Variants in SERPINB8 observed in about 807,000 individuals in gnomAD.
SERPINB8 encodes the protein serpin family B member 8.
In SERPINB8, 25 loss-of-function variants were observed where a neutral mutation model predicts 35.3. The observed-to-expected ratio is 0.71, with a 90% CI of 0.52 to 0.99. The LOEUF (loss-of-function observed/expected upper bound fraction) is 0.99, where lower values mean the gene tolerates loss of function less well. Among genes scored for constraint, SERPINB8 ranks in the 50% least tolerant of loss-of-function variants. The pLI, the probability that SERPINB8 is intolerant of heterozygous loss-of-function variation, is 0.00. For synonymous variants in SERPINB8, 186 were observed against 160.8 expected (o/e 1.16, Z -1.19); for missense variants, 484 against 446.5 (o/e 1.08, Z -0.76).
intron 1 of SERPINB8, among the ~76,000 whole-genome samples, chr18:63,997,683 C>T (rs1217833672): frequency 1.3e-5 from 2 of 152,228 alleles, no homozygotes; most frequent in African/African-American, 4.8e-5. Flanking sequence ...GCTATATTTT[C>T]ACTGACTCAT....
intron 1 of SERPINB8, among the ~76,000 whole-genome samples, chr18:64,001,027 G>A (rs972134499): frequency 1.3e-5 from 2 of 152,136 alleles, no homozygotes; most frequent in African/African-American, 4.8e-5. Flanking sequence ...TTCATCTCCA[G>A]TAATATTCTC....
At chr18:63,981,620 C>T (rs1306123797) in intron 3 of SERPINB8, 101 bp from the exon 4 acceptor site, 1 of 798,994 alleles carries the variant, frequency 1.3e-6, no homozygotes, top group African/African-American at 1.7e-5. Context: ...GTGACCTGTC[C>T]AAGCACTTAT....
chr18:64,008,120 C>G (rs2050908745), downstream of SERPINB8, among the ~76,000 whole-genome samples: 1 of 152,010 alleles, frequency 6.6e-6, no homozygotes, highest in African/African-American at 2.4e-5. Flanking sequence ...ACCAAGTTGA[C>G]AGGTTAAACA....
At chr18:63,997,582 G>A (rs1169274880) in intron 1 of SERPINB8, among the ~76,000 whole-genome samples, 1 of 152,190 alleles carries the variant, frequency 6.6e-6, no homozygotes, top group Non-Finnish European at 1.5e-5. Flanking sequence ...TACAACCTGA[G>A]ATAGATCTAT....
At chr18:63,986,841 T>C in intron 6 of SERPINB8, 33 bp from the exon 7 acceptor site, 1 of 1,562,558 alleles carries the variant, frequency 6.4e-7, no homozygotes, top group Non-Finnish European at 8.6e-7. Flanking sequence ...TATTGTCATC[T>C]AAATTTTAAG....
At chr18:64,012,805 T>G (rs1052388813) in intron 7 of SERPINB8, among the ~76,000 whole-genome samples, 2 of 152,146 alleles carry the variant, frequency 1.3e-5, no homozygotes, top group African/African-American at 4.8e-5. Context: ...AGGTAGCTGG[T>G]TTACGTAATC....
chr18:63,996,233 C>T (rs2050848600), intron 1 of SERPINB8, among the ~76,000 whole-genome samples: 2 of 152,172 alleles, frequency 1.3e-5, no homozygotes, highest in African/African-American at 4.8e-5. Context: ...AATTGCTAAG[C>T]TTGAGGCAAA....
intron 1 of SERPINB8, among the ~76,000 whole-genome samples, chr18:63,995,970 T>A (rs888354804): frequency 6.6e-6 from 1 of 152,066 alleles, no homozygotes; most frequent in African/African-American, 2.4e-5. Context: ...GGAAGAGGAA[T>A]TGGTCAACAG....
At position 63,987,144 on chromosome 18, in the gene SERPINB8, G is replaced by A. The variant is rs772382354; in HGVS notation, c.991G>A (p.Ala331Thr). ...VNEEGTEAAA[A>T]TAVVRNSRCS... ...TGAGGAAGGCACAGAGGCTGCCGCA[G>A]CCACTGCTGTGGTCAGGAATTCCCG... The change falls in exon 7 of 7, where the codon GCC becomes ACC. Residue 331 changes from alanine (A) to threonine (T), a missense_variant. Physicochemically the swap from Ala to Thr is moderately conservative, Grantham distance 58 (BLOSUM62 0). Transcript: ENST00000397985. The A allele has an allele frequency of 1.2e-5, 20 of 1,614,172 alleles. No homozygotes were observed. The highest frequency in any genetic ancestry group is 6.6e-5 in the South Asian group (6 of 91,082).
intron 1 of SERPINB8, among the ~76,000 whole-genome samples, chr18:63,974,979 G>A (rs1021788792): frequency 3.9e-5 from 6 of 152,092 alleles, no homozygotes; most frequent in Admixed American, 1.3e-4. Context: ...AGGAAAGATG[G>A]AAGAAATCAG....
chr18:63,982,978 C>T (rs1263897536), intron 4 of SERPINB8, among the ~76,000 whole-genome samples: 8 of 151,986 alleles, frequency 5.3e-5, no homozygotes, highest in Non-Finnish European at 1.0e-4. Context: ...TGTGTTCTCT[C>T]ATCCTTTGGA....
At chr18:64,010,785 A>G (rs1373504904) in intron 7 of SERPINB8, among the ~76,000 whole-genome samples, 2 of 152,122 alleles carry the variant, frequency 1.3e-5, no homozygotes, top group Non-Finnish European at 2.9e-5. Context: ...TGGCAAAGGC[A>G]TAAAAAATAA....
chr18:63,977,387 C>T lies in SERPINB8; in HGVS notation c.-10-912C>T, dbSNP rs556915865. Among the ~76,000 whole-genome samples the T allele has an allele frequency of 5.3e-5, 8 of 151,608 alleles. No individual in the cohort carries two copies. In the South Asian group the frequency reaches 1.3e-3, roughly 24 times the overall value. On this transcript the variant is annotated intron_variant, in intron 1 of 6. Coordinates refer to ENST00000397985, the MANE Select transcript of SERPINB8 (RefSeq NM_002640.4). ...TGTTGCCCAGGCTGGAGTGCAGTGG[C>T]GTGATCTCGGCTCTCTGCAGCCTCC... is the stretch of plus-strand genomic sequence containing the variant.
At chr18:64,009,793 A>G (rs1303623342), downstream of SERPINB8, among the ~76,000 whole-genome samples, 2 of 152,344 alleles carry the variant, frequency 1.3e-5, no homozygotes, top group Non-Finnish European at 2.9e-5. Context: ...GACACTAGGT[A>G]TAAATGGGCT....
At chr18:63,994,228 C>T (rs1182929901), downstream of SERPINB8, among the ~76,000 whole-genome samples, 1 of 152,074 alleles carries the variant, frequency 6.6e-6, no homozygotes, top group Non-Finnish European at 1.5e-5. Context: ...GTAGCCTCTT[C>T]TTATCACAGT....
At chr18:64,001,269 C>G (rs2050872942) in intron 1 of SERPINB8, among the ~76,000 whole-genome samples, 1 of 151,938 alleles carries the variant, frequency 6.6e-6, no homozygotes, top group South Asian at 2.1e-4. Flanking sequence ...TTTATAATGT[C>G]CTAGAATTAG....
At chr18:64,002,815 C>G (rs980290108) in intron 1 of SERPINB8, among the ~76,000 whole-genome samples, 2 of 152,170 alleles carry the variant, frequency 1.3e-5, no homozygotes, top group African/African-American at 4.8e-5. Flanking sequence ...CCCTCGGTGC[C>G]GACTCGTGCC....
At chr18:64,015,959 G>A (rs984591968) in intron 7 of SERPINB8, among the ~76,000 whole-genome samples, 3 of 152,190 alleles carry the variant, frequency 2.0e-5, no homozygotes, top group African/African-American at 7.2e-5. Context: ...AAGGCTTGGA[G>A]GAAACGCCTG....
downstream of SERPINB8, among the ~76,000 whole-genome samples, chr18:64,008,757 G>A (rs886170100): frequency 6.6e-6 from 1 of 151,968 alleles, no homozygotes; most frequent in African/African-American, 2.4e-5. Flanking sequence ...AACAATTTGA[G>A]CATAGCAGAT....
Sources: allele counts gnomAD v4.1 joint callset (sites outside exome capture counted in the v4.1 genomes callset), GRCh38; gene constraint gnomAD v4.1.1; transcripts MANE v1.5; gene names NCBI Gene and HGNC (gene_info 2026-07-23, HGNC 2026-07-21).